The following CLMP variants were observed in gnomAD, a reference collection of about 807,000 sequenced individuals.
CLMP encodes CXADR like cell adhesion molecule, also known as CXADR-like membrane protein.
In CLMP, 27 loss-of-function variants were observed where a neutral mutation model predicts 45.2. The ratio of observed to expected loss-of-function variants is 0.60; its 90% CI spans 0.44 to 0.82. The LOEUF is 0.82. CLMP is among the 40% of genes least tolerant of loss of function. CLMP has a pLI of 0.00. For synonymous variants in CLMP, 167 were observed against 171.4 expected (o/e 0.97, Z 0.20); for missense variants, 403 against 448.4 (o/e 0.90, Z 0.91).
chr11:123,135,457 G>A (rs1861059496), intron 1 of CLMP, among the ~76,000 whole-genome samples: 1 of 152,110 alleles, frequency 6.6e-6, no homozygotes, highest in Non-Finnish European at 1.5e-5. Context: ...CCTGAATGAG[G>A]TGTCTGTCAT....
chr11:123,116,332 C>T (rs937993381), intron 1 of CLMP, among the ~76,000 whole-genome samples: 8 of 151,894 alleles, frequency 5.3e-5, no homozygotes, highest in South Asian at 2.1e-4. Context: ...TCTGGGATGC[C>T]GAGACAGGCG....
intron 1 of CLMP, among the ~76,000 whole-genome samples, chr11:123,112,345 T>C (rs1860651568): frequency 6.6e-6 from 1 of 151,256 alleles, no homozygotes; most frequent in Non-Finnish European, 1.5e-5. Flanking sequence ...TTTCTTTTTT[T>C]TTTTTTTTTG....
Position 123,083,834 on chromosome 11 carries a change from C to T in CLMP, c.402G>A (p.Lys134=), listed in dbSNP as rs768721187. 2 of 1,613,126 alleles carry T rather than the reference C, an allele frequency of 1.2e-6. No individual in the cohort carries two copies. Among genetic ancestry groups the T allele is most frequent in the East Asian group, 4.5e-5 (2 of 44,880 alleles). Residue 134 remains lysine (K), a synonymous_variant, in exon 4 of 7, where the codon AAG becomes AAA. Transcript: ENST00000448775. ...GCTCTCCTTCCAACTCACACTTGGG[C>T]TTGGATGGTCTCACTGGCAACAGCA... The part of the protein sequence containing the change: ...VILKVLVRPS[K]PKCELEGELT...
intron 1 of CLMP, among the ~76,000 whole-genome samples, chr11:123,162,954 A>C (rs2135534723): frequency 6.6e-6 from 1 of 152,070 alleles, no homozygotes; most frequent in Non-Finnish European, 1.5e-5. Flanking sequence ...AGCATAAATA[A>C]CCATATTTAG....
At chr11:123,130,282 G>A (rs561306497) in intron 1 of CLMP, among the ~76,000 whole-genome samples, 17 of 152,228 alleles carry the variant, frequency 1.1e-4, no homozygotes, top group African/African-American at 1.7e-4. Context: ...TGGCCCTTTC[G>A]TGGATGAAGA....
chr11:123,114,810 G>A (rs996127482), intron 1 of CLMP, among the ~76,000 whole-genome samples: 3 of 152,030 alleles, frequency 2.0e-5, no homozygotes, highest in Non-Finnish European at 4.4e-5. Flanking sequence ...TGTGAAGTAA[G>A]CACTATTATC....
rs886886089 is a variant in CLMP at position 123,084,607 on chromosome 11, A to G, written c.293T>C (p.Ile98Thr). The change falls in exon 3 of 7, where the codon ATT becomes ACT. Residue 98 changes from isoleucine (I) to threonine (T), a missense_variant. Ile to Thr is a moderately conservative substitution (Grantham distance 89). Transcript: ENST00000448775. ...CTCATCACTGGGCTTCAGAGGTTCA[A>G]TCTGCAAGGAGGCATCTCCTGCCAG... is the stretch of plus-strand genomic sequence containing the variant. ...NFLAGDASLQ[I>T]EPLKPSDEGR... The G allele has an allele frequency of 4.3e-6, 7 of 1,614,114 alleles. No homozygotes were observed. Among genetic ancestry groups the G allele is most frequent in the African/African-American group, 2.7e-5 (2 of 74,940 alleles).
At chr11:123,191,263 T>C (rs1011807526) in intron 1 of CLMP, among the ~76,000 whole-genome samples, 2 of 152,198 alleles carry the variant, frequency 1.3e-5, no homozygotes, top group African/African-American at 4.8e-5. Context: ...ATAATACTCA[T>C]GTGTACCCTG....
At chr11:123,081,193 A>C (rs1865800463) in intron 5 of CLMP, among the ~76,000 whole-genome samples, 1 of 151,980 alleles carries the variant, frequency 6.6e-6, no homozygotes, top group Admixed American at 6.6e-5. Context: ...ACAAAAAAAA[A>C]CAGGGTGGGG....
At chr11:123,142,771 C>T (rs539375884) in intron 1 of CLMP, among the ~76,000 whole-genome samples, 4 of 140,704 alleles carry the variant, frequency 2.8e-5, no homozygotes, top group South Asian at 2.4e-4. Flanking sequence ...GGACTACAGG[C>T]GCCCGCCACT....
chr11:123,133,805 G>A (rs1024453002), intron 1 of CLMP, among the ~76,000 whole-genome samples: 5 of 152,104 alleles, frequency 3.3e-5, no homozygotes, highest in East Asian at 1.9e-4. Flanking sequence ...ACACTGAGAC[G>A]AATCTGAGCG....
intron 1 of CLMP, among the ~76,000 whole-genome samples, chr11:123,135,184 C>T (rs1052735250): frequency 2.0e-5 from 3 of 149,040 alleles, no homozygotes; most frequent in African/African-American, 5.0e-5. Flanking sequence ...GGCTTGAACC[C>T]GGGAGACAGA....
chr11:123,190,276 C>T (rs942044309), intron 1 of CLMP, among the ~76,000 whole-genome samples: 6 of 152,110 alleles, frequency 3.9e-5, no homozygotes, highest in African/African-American at 7.2e-5. Context: ...CCAATTAGTT[C>T]GTTGACCCTT....
chr11:123,191,191 GT>G (rs562466550), intron 1 of CLMP, among the ~76,000 whole-genome samples: 52 of 152,286 alleles, frequency 3.4e-4, no homozygotes, highest in African/African-American at 1.2e-3. Flanking sequence ...TTTTCCTCCA[GT>G]TCTGGCAATC....
chr11:123,086,087 AT>A (rs1187085782), intron 2 of CLMP, among the ~76,000 whole-genome samples: 1 of 137,610 alleles, frequency 7.3e-6, no homozygotes, highest in African/African-American at 2.8e-5. Flanking sequence ...CTAATTTTTT[AT>A]TTTAGTAGAG....
chr11:123,191,743 C>A (rs534820425), intron 1 of CLMP, among the ~76,000 whole-genome samples: 4 of 152,278 alleles, frequency 2.6e-5, no homozygotes, highest in African/African-American at 7.2e-5. Context: ...CCTCTCTTGA[C>A]CTTAAAGATT....
At chr11:123,175,447 G>A (rs932241656) in intron 1 of CLMP, among the ~76,000 whole-genome samples, 2 of 150,504 alleles carry the variant, frequency 1.3e-5, no homozygotes, top group Non-Finnish European at 1.5e-5. Context: ...TGGGGATTAC[G>A]GGTCCCTCCC....
At chr11:123,166,890 A>C (rs1028484985) in intron 1 of CLMP, among the ~76,000 whole-genome samples, 1 of 152,080 alleles carries the variant, frequency 6.6e-6, no homozygotes, top group African/African-American at 2.4e-5. Flanking sequence ...ATCTCATTGC[A>C]CTCCATAAAT....
At chr11:123,143,473 C>T (rs547941080) in intron 1 of CLMP, among the ~76,000 whole-genome samples, 1 of 151,376 alleles carries the variant, frequency 6.6e-6, no homozygotes, top group South Asian at 2.1e-4. Flanking sequence ...ATTAGAAGTA[C>T]TGCCAGCCTT....
Sources: allele counts gnomAD v4.1 joint callset (sites outside exome capture counted in the v4.1 genomes callset), GRCh38; gene constraint gnomAD v4.1.1; transcripts MANE v1.5; gene names NCBI Gene and HGNC (gene_info 2026-07-23, HGNC 2026-07-21).